FOXP1: variants seen among roughly 807,000 people sequenced by gnomAD.
FOXP1 encodes forkhead box protein P1.
FOXP1 carries 15 observed loss-of-function variants against 98.2 expected under a neutral mutation model. That is an observed-to-expected ratio of 0.15 (90% CI 0.10 to 0.24). The LOEUF (loss-of-function observed/expected upper bound fraction) is 0.24, where lower values mean the gene tolerates loss of function less well. FOXP1 is among the 10% of genes least tolerant of loss of function. The pLI is 1.00. For synonymous variants in FOXP1, 371 were observed against 314.5 expected (o/e 1.18, Z -1.90); for missense variants, 633 against 848.5 (o/e 0.75, Z 3.15).
chr3:71,294,102 G>A (rs1315403788), intron 5 of FOXP1, among the ~76,000 whole-genome samples: 8 of 152,112 alleles, frequency 5.3e-5, no homozygotes, highest in Non-Finnish European at 1.0e-4. Flanking sequence ...TTGTTATCAG[G>A]GGATGGCGGG....
intron 14 of FOXP1, among the ~76,000 whole-genome samples, chr3:70,986,215 A>G (rs2039707639): frequency 6.6e-6 from 1 of 152,182 alleles, no homozygotes; most frequent in Non-Finnish European, 1.5e-5. Context: ...CCACGTGAAG[A>G]ATCCCAATGG....
At chr3:71,335,513 A>C (rs957935132) in intron 4 of FOXP1, among the ~76,000 whole-genome samples, 2 of 152,156 alleles carry the variant, frequency 1.3e-5, no homozygotes, top group Non-Finnish European at 2.9e-5. Context: ...AAGGAGATAA[A>C]GATGTAATAA....
intron 4 of FOXP1, chr3:71,332,082 C>G (rs567764225): frequency 6.6e-5 from 10 of 152,248 alleles, no homozygotes; most frequent in Non-Finnish European, 2.9e-5. Flanking sequence ...AGTGGCAACC[C>G]GCTTGGGTCC....
intron 6 of FOXP1, among the ~76,000 whole-genome samples, chr3:71,118,335 G>A (rs150572268): frequency 0.014 from 2,129 of 152,264 alleles, 37 homozygotes; most frequent in African/African-American, 0.039. Context: ...TACAACTTCT[G>A]AGCTATTTAC....
intron 6 of FOXP1, among the ~76,000 whole-genome samples, chr3:71,143,812 T>G (rs1055674041): frequency 2.6e-5 from 4 of 152,240 alleles, no homozygotes; most frequent in African/African-American, 9.6e-5. Flanking sequence ...TTACGACGAT[T>G]ACTTTTACCA....
intron 13 of FOXP1, among the ~76,000 whole-genome samples, chr3:70,992,368 T>C (rs1359155513): frequency 1.3e-5 from 2 of 151,920 alleles, no homozygotes; most frequent in Non-Finnish European, 2.9e-5. Context: ...TCCAGTTACT[T>C]AGGCAGGGTA....
intron 6 of FOXP1, among the ~76,000 whole-genome samples, chr3:71,141,661 A>G (rs777679372): frequency 1.8e-4 from 27 of 152,232 alleles, no homozygotes; most frequent in Non-Finnish European, 3.4e-4. Flanking sequence ...TAGGAGGGAG[A>G]ACAAGACAGA....
intron 2 of FOXP1, among the ~76,000 whole-genome samples, chr3:71,500,725 G>A (rs2041272943): frequency 2.0e-5 from 3 of 152,130 alleles, no homozygotes; most frequent in Admixed American, 1.3e-4. Flanking sequence ...TTCAATTCCT[G>A]TTACAGCCAA....
chr3:71,241,969 A>T (rs2067319798), intron 5 of FOXP1, among the ~76,000 whole-genome samples: 1 of 152,180 alleles, frequency 6.6e-6, no homozygotes, highest in Admixed American at 6.5e-5. Context: ...TAAATTGCCT[A>T]AAAAAAGAAT....
At chr3:71,465,962 T>C (rs2088682833) in intron 3 of FOXP1, among the ~76,000 whole-genome samples, 1 of 152,036 alleles carries the variant, frequency 6.6e-6, no homozygotes, top group African/African-American at 2.4e-5. Context: ...GGTGGAACAG[T>C]TTCATCTGGA....
intron 5 of FOXP1, among the ~76,000 whole-genome samples, chr3:71,228,165 T>C (rs1467477030): frequency 6.6e-6 from 1 of 152,084 alleles, no homozygotes; most frequent in Non-Finnish European, 1.5e-5. Flanking sequence ...ATCCAACACA[T>C]CACGGAAAGA....
rs71104409 is a variant in FOXP1, at chr3:71,067,764, A to ACACACACAC, written c.283-13992_283-13991insGTGTGTGTG. 4.7e-4 allele frequency among the ~76,000 whole-genome samples: 66 copies of ACACACACAC among 141,016 alleles called. 1 individual carries two copies. The highest frequency in any genetic ancestry group is 3.5e-3 in the Middle Eastern group (1 of 288). The allele number at this position is 141,016 out of a possible 152,430, so 92.5% of individuals were successfully genotyped here. ...CACACACACACACACACACACACAC[A>ACACACACAC]ATTAGCCACGTGTGATGGTGCATGC... On this transcript the variant is annotated intron_variant, in intron 7 of 20. Transcript: ENST00000649528.
intron 5 of FOXP1, among the ~76,000 whole-genome samples, chr3:71,206,487 CTGTAATTCA>C (rs1196801862): frequency 1.3e-5 from 2 of 152,156 alleles, no homozygotes; most frequent in East Asian, 3.8e-4. Flanking sequence ...TTAATTTTCC[CTGTAATTCA>C]TGACTCAGAA....
At chr3:71,092,970 G>T (rs954492755) in intron 7 of FOXP1, among the ~76,000 whole-genome samples, 6 of 152,140 alleles carry the variant, frequency 3.9e-5, no homozygotes, top group African/African-American at 1.4e-4. Flanking sequence ...TGCTTTAAAA[G>T]GCAAAAAAGC....
At chr3:71,231,392 A>C (rs2066273824) in intron 5 of FOXP1, among the ~76,000 whole-genome samples, 1 of 152,182 alleles carries the variant, frequency 6.6e-6, no homozygotes, top group Non-Finnish European at 1.5e-5. Context: ...ATGAATTCTG[A>C]TGCTACAAAT....
chr3:71,052,406 C>G, intron 9 of FOXP1, 131 bp downstream of exon 9: 1 of 723,648 alleles, frequency 1.4e-6, no homozygotes, highest in Non-Finnish European at 2.5e-6. Flanking sequence ...CAATAATTCT[C>G]AGTCTGAAAG....
chr3:71,060,519 G>C (rs2051331971), intron 7 of FOXP1, among the ~76,000 whole-genome samples: 1 of 152,072 alleles, frequency 6.6e-6, no homozygotes, highest in African/African-American at 2.4e-5. Context: ...CCCGCCTCAT[G>C]AAGTGGTGTG....
chr3:71,406,540 C>T (rs990971507), intron 3 of FOXP1, among the ~76,000 whole-genome samples: 2 of 151,282 alleles, frequency 1.3e-5, no homozygotes, highest in African/African-American at 4.9e-5. Flanking sequence ...ATCTCTCAGG[C>T]TCTCTCTCTT....
Position 70,965,982 on chromosome 3 carries a change from G to C in FOXP1, c.1797C>G (p.Ala599=), listed in dbSNP as rs1303814238. The C allele has an allele frequency of 6.2e-7, 1 of 1,614,128 alleles. No homozygotes were observed. Among genetic ancestry groups the C allele is most frequent in the Admixed American group, 1.7e-5 (1 of 60,016 alleles). The change falls in exon 20 of 21, where the codon GCC becomes GCG. Residue 599 remains alanine (A), a synonymous_variant. Transcript: ENST00000649528. ...SMGNPTLGNL[A]SAIREELNGA... ...CGTTCAGCTCTTCCCGTATTGCGCT[G>C]GCTAAGTTGCCCAGAGTGGGATTTC...
Sources: gnomAD v4.1 joint callset for allele counts (sites outside exome capture counted in the v4.1 genomes callset) on GRCh38, gnomAD v4.1.1 for gene constraint, MANE v1.5 for transcripts, NCBI Gene and HGNC (gene_info 2026-07-23, HGNC 2026-07-21) for gene names.